The following ANKHD1 variants were observed in gnomAD, a reference collection of about 807,000 sequenced individuals.
The protein encoded by ANKHD1 is ankyrin repeat and KH domain-containing protein 1.
Under a neutral mutation model 230.5 loss-of-function variants are expected in ANKHD1, and 31 were observed. That is an observed-to-expected ratio of 0.13 (90% confidence interval 0.10 to 0.18). ANKHD1 has a LOEUF of 0.18. Among genes scored for constraint, ANKHD1 ranks in the 10% least tolerant of loss-of-function variants. The pLI is 1.00. For missense variants in ANKHD1, 2,256 were observed against 3,071.3 expected (o/e 0.73, Z 6.27); for synonymous variants, 1,074 against 1,117.6 (o/e 0.96, Z 0.78).
chr5:140,434,118 T>G (rs1773265879), intron 1 of ANKHD1, among the ~76,000 whole-genome samples: 1 of 152,192 alleles, frequency 6.6e-6, no homozygotes, highest in African/African-American at 2.4e-5. Context: ...TTTACTGTCT[T>G]TATTAGGCTA....
chr5:140,472,195 G>A lies in ANKHD1; in HGVS notation c.1782+7419G>A, dbSNP rs550296944. ...GTCTTCATGGCCAAATGTGATTTTC[G>A]TTTTTGGAATAAGATCCGTGAGTTC... On this transcript the variant is annotated intron_variant, in intron 10 of 33. Coordinates refer to ENST00000360839, the MANE Select transcript of ANKHD1 (RefSeq NM_017747.3). The A allele has an allele frequency of 1.8e-5, 28 of 1,590,112 alleles. No homozygotes were observed. The Admixed American group carries it at 1.9e-4, about 11-fold the overall frequency.
intron 10 of ANKHD1, 90 bp from the exon 11 acceptor site, chr5:140,482,490 C>T: frequency 7.1e-7 from 1 of 1,411,018 alleles, no homozygotes; most frequent in Non-Finnish European, 9.6e-7. Context: ...ATATTAAATC[C>T]TCGTTATTTC....
chr5:140,451,421 A>G (rs1258655222), intron 7 of ANKHD1, among the ~76,000 whole-genome samples: 2 of 152,218 alleles, frequency 1.3e-5, no homozygotes, highest in African/African-American at 4.8e-5. Context: ...TGTTTTTGGC[A>G]TATATCAAAA....
intron 13 of ANKHD1, chr5:140,486,449 CAT>C (rs2127019690): frequency 6.6e-6 from 1 of 152,588 alleles, no homozygotes; most frequent in African/African-American, 2.4e-5. Context: ...GTATAGGTAA[CAT>C]AAGCGCTAGA....
At chr5:140,510,337 G>A (rs1752708413) in intron 22 of ANKHD1, among the ~76,000 whole-genome samples, 156 bp downstream of exon 22, 1 of 137,562 alleles carries the variant, frequency 7.3e-6, no homozygotes, top group South Asian at 2.3e-4. Context: ...TTTTGAGACG[G>A]AGTCTTACTC....
intron 1 of ANKHD1, among the ~76,000 whole-genome samples, chr5:140,425,379 G>A (rs1772322710): frequency 6.6e-6 from 1 of 152,154 alleles, no homozygotes; most frequent in Admixed American, 6.5e-5. Context: ...TGCCGCCTCA[G>A]CCTCCCAAGT....
In ANKHD1 at chr5:140,507,699, T is replaced by G. The variant is rs771177224; in HGVS notation, c.3552-86T>G. On this transcript the variant is annotated intron_variant, in intron 19 of 33. Transcript: ENST00000360839. This position sits in a 1 kb window ranked among gnomAD's most constrained non-coding sequence, Gnocchi z 4.1. ...TCATTGATGTTAGAAACCTCTCTTT[T>G]TAGTGAAACCTTTTCATCTTTAATG... is the stretch of plus-strand genomic sequence containing the variant. The G allele has an allele frequency of 6.8e-7, 1 of 1,478,328 alleles. No individual in the cohort carries two copies. Among genetic ancestry groups the G allele is most frequent in the Non-Finnish European group, 9.1e-7 (1 of 1,095,942 alleles). The allele number at this position is 1,478,328 out of a possible 1,614,324, so 91.6% of individuals were successfully genotyped here. A position where few individuals can be genotyped will look rare whatever the true frequency, so the allele number is the denominator to read the frequency against.
intron 7 of ANKHD1, among the ~76,000 whole-genome samples, chr5:140,454,466 A>G (rs1775004814): frequency 6.6e-6 from 1 of 152,220 alleles, no homozygotes; most frequent in South Asian, 2.1e-4. Context: ...TTGGAAGTAA[A>G]GCACTCCTCA....
At chr5:140,441,446 T>C (rs1773838937) in intron 5 of ANKHD1, among the ~76,000 whole-genome samples, 1 of 152,096 alleles carries the variant, frequency 6.6e-6, no homozygotes, top group Admixed American at 6.5e-5. Flanking sequence ...AAGGACATTA[T>C]GCTAAGTGGA....
At chr5:140,530,642 C>T (rs1164768550) in intron 29 of ANKHD1, among the ~76,000 whole-genome samples, 1 of 152,218 alleles carries the variant, frequency 6.6e-6, no homozygotes, top group African/African-American at 2.4e-5. Flanking sequence ...AATATATAGA[C>T]AGATCTGAGG....
intron 10 of ANKHD1, among the ~76,000 whole-genome samples, chr5:140,480,524 G>A (rs1382636433): frequency 6.6e-6 from 1 of 152,034 alleles, no homozygotes; most frequent in East Asian, 1.9e-4. Context: ...ATCACTGCCA[G>A]GCTTAAGAAA....
chr5:140,509,952 T>C, intron 21 of ANKHD1, 67 bp from the exon 22 acceptor site: 1 of 1,550,036 alleles, frequency 6.5e-7, no homozygotes, highest in East Asian at 2.3e-5. Flanking sequence ...AAGAAGAAGA[T>C]AGAGAAAACT....
chr5:140,443,680 T>TA (rs572970598), intron 5 of ANKHD1, among the ~76,000 whole-genome samples: 1,808 of 104,802 alleles, frequency 0.017, 17 homozygotes, highest in African/African-American at 0.042. Flanking sequence ...ACTCCGTCTA[T>TA]AAAAAAAAAA....
At chr5:140,528,069 G>A in intron 28 of ANKHD1, 47 bp downstream of exon 28, 1 of 1,603,852 alleles carries the variant, frequency 6.2e-7, no homozygotes, top group South Asian at 1.1e-5. Flanking sequence ...GAAATTATAA[G>A]AAGCATACCT....
chr5:140,490,790 A>C (rs562860881), intron 14 of ANKHD1, among the ~76,000 whole-genome samples: 5 of 151,914 alleles, frequency 3.3e-5, no homozygotes, highest in Non-Finnish European at 7.4e-5. Context: ...CCTGAGGAGT[A>C]ATTTCCTTTT....
At chr5:140,534,602 T>G (rs1753990229) in intron 29 of ANKHD1, among the ~76,000 whole-genome samples, 1 of 152,220 alleles carries the variant, frequency 6.6e-6, no homozygotes, top group Non-Finnish European at 1.5e-5. Flanking sequence ...GAAGTCATTT[T>G]TTTTAAATGA....
chr5:140,408,546 T>G (rs1770664718), intron 1 of ANKHD1, among the ~76,000 whole-genome samples: 1 of 152,174 alleles, frequency 6.6e-6, no homozygotes, highest in South Asian at 2.1e-4. Flanking sequence ...TAGGGATTCC[T>G]TTTTCCCTGA....
chr5:140,468,052 CTTTTTTTTTTTTTTTTTTTTTTT>C lies in ANKHD1; in HGVS notation c.1782+3294_1782+3316del, dbSNP rs869172143. Among the ~76,000 whole-genome samples, 43 of 52,416 alleles carry C rather than the reference CTTTTTTTTTTTTTTTTTTTTTTT, an allele frequency of 8.2e-4. 2 individuals are homozygous for C. The highest frequency in any genetic ancestry group is 0.032 in the Middle Eastern group (2 of 62). 34.4% of individuals were successfully genotyped at this position (52,416 alleles called of 152,430 possible). On this transcript the variant is annotated intron_variant, in intron 10 of 33. Transcript: ENST00000360839. ...AGTTTAAGGTTTAAGTGTACTAATT[CTTTTTTTTTTTTTTTTTTTTTTT>C]TTTTTTTTTTTTTTTTTGATGTGGG...
chr5:140,489,525 T>A (rs1751675329), intron 14 of ANKHD1, among the ~76,000 whole-genome samples: 1 of 151,820 alleles, frequency 6.6e-6, no homozygotes, highest in Non-Finnish European at 1.5e-5. Flanking sequence ...CACAAAACAA[T>A]CAAGAAATAA....
Sources: allele counts gnomAD v4.1 joint callset (sites outside exome capture counted in the v4.1 genomes callset), GRCh38; gene constraint gnomAD v4.1.1; non-coding constraint Gnocchi (gnomAD v3.1); transcripts MANE v1.5; gene names NCBI Gene and HGNC (gene_info 2026-07-23, HGNC 2026-07-21).